Variants in BMAL2 observed in about 807,000 individuals in gnomAD.
BMAL2 encodes the protein basic helix-loop-helix ARNT-like protein 2.
At chr12:27,408,822 C>T in the BMAL2 span, among the ~76,000 whole-genome samples, 1 of 152,202 alleles carries the variant, frequency 6.6e-6, no homozygotes, top group Non-Finnish European at 1.5e-5. Context: ...TTGCAGATGA[C>T]ATGATTGTAT....
the BMAL2 span, chr12:27,368,536 T>A: frequency 8.4e-7 from 1 of 1,195,248 alleles, no homozygotes; most frequent in Non-Finnish European, 1.2e-6. Context: ...GGAGAGTACT[T>A]ATCCACCCAT....
At chr12:27,403,854 G>A in the BMAL2 span, among the ~76,000 whole-genome samples, 2 of 152,068 alleles carry the variant, frequency 1.3e-5, no homozygotes, top group African/African-American at 4.8e-5. Flanking sequence ...TGAATTTAAT[G>A]TGGATCTAGT....
chr12:27,420,300 A>G, the BMAL2 span: 4,128 of 1,531,860 alleles, frequency 2.7e-3, 13 homozygotes, highest in Non-Finnish European at 3.4e-3. Flanking sequence ...TTGCTTTGCC[A>G]TTTTTTATCA....
At chr12:27,366,471 CT>C in the BMAL2 span, among the ~76,000 whole-genome samples, 1 of 152,078 alleles carries the variant, frequency 6.6e-6, no homozygotes, top group Non-Finnish European at 1.5e-5. Flanking sequence ...TATTTTCAAT[CT>C]GTGTTATTAG....
chr12:27,376,370 TAA>T, the BMAL2 span: 1 of 1,613,940 alleles, frequency 6.2e-7, no homozygotes, highest in Middle Eastern at 1.6e-4. Context: ...AACACCAAGT[TAA>T]AATGAAGGCC....
the BMAL2 span, among the ~76,000 whole-genome samples, chr12:27,399,371 A>G: frequency 6.6e-6 from 1 of 152,180 alleles, no homozygotes; most frequent in Non-Finnish European, 1.5e-5. Flanking sequence ...ATGGTGTGGC[A>G]TTAGTGATTT....
At chr12:27,405,431 G>T in the BMAL2 span, among the ~76,000 whole-genome samples, 5 of 152,192 alleles carry the variant, frequency 3.3e-5, no homozygotes, top group Non-Finnish European at 7.4e-5. Flanking sequence ...AGCAACAATT[G>T]CTGTTCACCA....
At chr12:27,403,292 C>G in the BMAL2 span, 1 of 623,982 alleles carries the variant, frequency 1.6e-6, no homozygotes, top group Admixed American at 3.2e-5. Context: ...TCATGAATTA[C>G]ATATGTAATG....
the BMAL2 span, among the ~76,000 whole-genome samples, chr12:27,376,601 C>T: frequency 1.3e-5 from 2 of 152,104 alleles, no homozygotes; most frequent in African/African-American, 4.8e-5. Context: ...TTAACTTTCT[C>T]TTAGAATAGC....
chr12:27,413,904 C>T, the BMAL2 span, among the ~76,000 whole-genome samples: 1 of 152,102 alleles, frequency 6.6e-6, no homozygotes, highest in South Asian at 2.1e-4. Context: ...CATGGTGGCA[C>T]ACACCGGTAG....
the BMAL2 span, among the ~76,000 whole-genome samples, chr12:27,342,636 C>T: frequency 2.6e-5 from 4 of 152,284 alleles, no homozygotes; most frequent in South Asian, 8.3e-4. Context: ...ATCTTCTTTC[C>T]TTGAACACGT....
the BMAL2 span, among the ~76,000 whole-genome samples, chr12:27,350,623 A>T: frequency 6.6e-6 from 1 of 152,228 alleles, no homozygotes; most frequent in Non-Finnish European, 1.5e-5. Context: ...ATATAAATTT[A>T]TCCTTTCAAA....
chr12:27,388,333 T>G, the BMAL2 span, among the ~76,000 whole-genome samples: 2 of 152,208 alleles, frequency 1.3e-5, no homozygotes, highest in African/African-American at 4.8e-5. Flanking sequence ...TATAGACTTA[T>G]ATTAACCACA....
the BMAL2 span, among the ~76,000 whole-genome samples, chr12:27,381,381 A>C: frequency 6.6e-6 from 1 of 152,210 alleles, no homozygotes; most frequent in Non-Finnish European, 1.5e-5. Flanking sequence ...CAGGCTGTGC[A>C]GGAAGCATGG....
chr12:27,406,387 C>T, the BMAL2 span, among the ~76,000 whole-genome samples: 1 of 152,340 alleles, frequency 6.6e-6, no homozygotes, highest in East Asian at 1.9e-4. Context: ...AGACTAACAG[C>T]TGATCTCTCA....
chr12:27,375,429 T>A, the BMAL2 span, among the ~76,000 whole-genome samples: 4 of 152,144 alleles, frequency 2.6e-5, no homozygotes, highest in Admixed American at 6.5e-5. Flanking sequence ...CATGTTAGAG[T>A]GTTAAATGAA....
chr12:27,418,256 C>G, the BMAL2 span: 1 of 1,150,840 alleles, frequency 8.7e-7, no homozygotes, highest in Non-Finnish European at 1.3e-6. Flanking sequence ...CTCTTAATCA[C>G]TATGTTTTCA....
chr12:27,389,124 G>T, the BMAL2 span: 1 of 1,191,540 alleles, frequency 8.4e-7, no homozygotes, highest in Non-Finnish European at 1.2e-6. Context: ...TATGCATCAA[G>T]AAATGTAGAA....
chr12:27,359,502 C>T, the BMAL2 span, among the ~76,000 whole-genome samples: 137 of 151,922 alleles, frequency 9.0e-4, no homozygotes, highest in African/African-American at 3.1e-3. Flanking sequence ...GTCAACACAG[C>T]GAAATCCTTA....
Sources: gnomAD v4.1 joint callset for allele counts (sites outside exome capture counted in the v4.1 genomes callset) on GRCh38, gnomAD v4.1.1 for gene constraint, MANE v1.5 for transcripts, NCBI Gene and HGNC (gene_info 2026-07-23, HGNC 2026-07-21) for gene names.